The following FNDC3A variants were observed in gnomAD, a reference collection of about 807,000 sequenced individuals.
FNDC3A encodes the protein fibronectin type-III domain-containing protein 3A.
FNDC3A carries 32 observed loss-of-function variants against 148.9 expected under a neutral mutation model. That is an observed-to-expected ratio of 0.21 (90% CI 0.16 to 0.29). The LOEUF is 0.29. Ranked by LOEUF, FNDC3A falls within the 10% of genes least tolerant of loss-of-function variation. The pLI is 1.00. For missense variants in FNDC3A, 1,191 were observed against 1,452.8 expected, an observed-to-expected ratio of 0.82 and a Z score of 2.93; for synonymous variants, 472 against 473.6, an observed-to-expected ratio of 1.00 and a Z score of 0.04.
intron 14 of FNDC3A, 32 bp downstream of exon 14, chr13:49,178,686 C>T: frequency 8.0e-7 from 1 of 1,244,550 alleles, no homozygotes; most frequent in Non-Finnish European, 1.1e-6. Flanking sequence ...ACGATTTGTT[C>T]CTTGTTCCTA....
intron 12 of FNDC3A, 77 bp downstream of exon 12, chr13:49,174,636 C>A: frequency 1.6e-6 from 2 of 1,258,384 alleles, no homozygotes; most frequent in South Asian, 1.5e-5. Flanking sequence ...TATTTACTGT[C>A]CAAATTATTC....
intron 4 of FNDC3A, among the ~76,000 whole-genome samples, chr13:49,128,022 C>T (rs1393894353): frequency 6.6e-6 from 1 of 152,182 alleles, no homozygotes; most frequent in Non-Finnish European, 1.5e-5. Context: ...GCTGGGACTA[C>T]AGGTGCGTGC....
rs1952219300 is a variant in FNDC3A, at chr13:49,006,260, C to T, written c.70C>T (p.Pro24Ser). ...LSSDISLLSA[P>S]IVSADGTQQV... ...TAGTGATATTTCTCTTTTGTCTGCC[C>T]CTATTGTAAGTGCAGATGGAACACA... The change falls in exon 2 of 26, where the codon CCT becomes TCT. Residue 24 changes from proline to serine, a missense_variant. Transcript: ENST00000492622. 1.2e-6 allele frequency: 2 copies of T among 1,607,502 alleles called. No homozygotes were observed. Among genetic ancestry groups the T allele is most frequent in the Non-Finnish European group, 1.7e-6 (2 of 1,174,928 alleles).
chr13:49,165,971 C>G (rs1204939358), intron 8 of FNDC3A, among the ~76,000 whole-genome samples: 1 of 152,012 alleles, frequency 6.6e-6, no homozygotes, highest in East Asian at 1.9e-4. Flanking sequence ...CTAGGTAGTC[C>G]CCAGGCCTCC....
intron 15 of FNDC3A, 102 bp downstream of exon 15, chr13:49,186,204 C>G (rs1885560719): frequency 1.0e-6 from 1 of 956,150 alleles, no homozygotes; most frequent in Admixed American, 2.5e-5. Flanking sequence ...TTTGTTATCT[C>G]AAGCCAGTCC....
intron 1 of FNDC3A, among the ~76,000 whole-genome samples, chr13:48,981,342 A>G (rs1234621332): frequency 1.3e-5 from 2 of 152,126 alleles, no homozygotes; most frequent in African/African-American, 4.8e-5. Context: ...TCTAAGCATT[A>G]AAATAGAGAA....
At chr13:49,091,280 AAAG>A (rs926225472) in intron 3 of FNDC3A, among the ~76,000 whole-genome samples, 12 of 152,268 alleles carry the variant, frequency 7.9e-5, no homozygotes, top group Non-Finnish European at 1.2e-4. Context: ...AAGGAAAAAA[AAAG>A]AAATAAACAG....
intron 2 of FNDC3A, among the ~76,000 whole-genome samples, chr13:49,070,894 G>GTTTTTTTTTTTTTTTTTT (rs930772693): frequency 1.5e-5 from 2 of 135,430 alleles, no homozygotes; most frequent in African/African-American, 2.7e-5. Flanking sequence ...TTTTTTTTTT[G>GTTTTTTTTTTTTTTTTTT]TTTTGTTTTT....
chr13:49,053,298 G>A (rs762461648), intron 2 of FNDC3A, among the ~76,000 whole-genome samples: 3 of 152,204 alleles, frequency 2.0e-5, no homozygotes, highest in Non-Finnish European at 4.4e-5. Context: ...TTTATGACAT[G>A]AGTCTCCACA....
intron 7 of FNDC3A, among the ~76,000 whole-genome samples, chr13:49,145,441 ATCC>A (rs1882938388): frequency 6.6e-6 from 1 of 152,120 alleles, no homozygotes; most frequent in Non-Finnish European, 1.5e-5. Context: ...AGTTTTTGTC[ATCC>A]TCCTGTTGTA....
chr13:49,060,331 A>G (rs1876575194), intron 2 of FNDC3A, among the ~76,000 whole-genome samples: 1 of 152,198 alleles, frequency 6.6e-6, no homozygotes, highest in South Asian at 2.1e-4. Context: ...CATACAATGG[A>G]ATGTTATTTA....
intron 2 of FNDC3A, among the ~76,000 whole-genome samples, chr13:49,062,451 T>C (rs1011622070): frequency 6.6e-6 from 1 of 152,208 alleles, no homozygotes; most frequent in Non-Finnish European, 1.5e-5. Flanking sequence ...TGTTTATCTT[T>C]CCAGTCTTAT....
At chr13:49,136,657 TACTAA>T (rs1359701671) in intron 6 of FNDC3A, 56 bp downstream of exon 6, 1 of 1,514,284 alleles carries the variant, frequency 6.6e-7, no homozygotes, top group East Asian at 2.3e-5. Flanking sequence ...TGATTTAACC[TACTAA>T]AAGTATATTC....
intron 2 of FNDC3A, among the ~76,000 whole-genome samples, chr13:49,048,966 T>A (rs1455734874): frequency 2.6e-5 from 4 of 152,178 alleles, no homozygotes; most frequent in African/African-American, 9.7e-5. Context: ...CATAGATGGT[T>A]TTTATTACCT....
intron 8 of FNDC3A, among the ~76,000 whole-genome samples, chr13:49,154,177 T>C (rs1301106577): frequency 6.7e-6 from 1 of 150,020 alleles, no homozygotes; most frequent in Non-Finnish European, 1.5e-5. Flanking sequence ...CATTTGTTTG[T>C]ATCCTCTTTT....
Position 49,145,784 on chromosome 13 carries a change from G to T in FNDC3A, c.826G>T (p.Asp276Tyr). The change falls in exon 8 of 26, where the codon GAC becomes TAC. Residue 276 changes from aspartate (D) to tyrosine (Y), a missense_variant. Transcript: ENST00000492622. ...AAATGTTGTATTTTTACAGGCCTCC[G>T]ACATCCAGGCAAGGACAGTAGTACT... is the stretch of plus-strand genomic sequence containing the variant. ...LSNIVKPVASDIQARTVVLTW... is the reference protein window; with the variant it reads ...LSNIVKPVASYIQARTVVLTW... 6.2e-7 allele frequency: 1 copy of T among 1,613,296 alleles called. No individual in the cohort carries two copies. The highest frequency in any genetic ancestry group is 1.1e-5 in the South Asian group (1 of 90,920).
chr13:49,102,063 C>G (rs1879892488), intron 3 of FNDC3A, among the ~76,000 whole-genome samples: 1 of 152,000 alleles, frequency 6.6e-6, no homozygotes, highest in African/African-American at 2.4e-5. Context: ...GTCTCTAACT[C>G]TTGGGCTTAA....
At chr13:49,065,997 A>G (rs369765993) in intron 2 of FNDC3A, among the ~76,000 whole-genome samples, 2 of 152,170 alleles carry the variant, frequency 1.3e-5, no homozygotes, top group East Asian at 1.9e-4. Flanking sequence ...AATGTTATTC[A>G]TTTACTTATT....
intron 3 of FNDC3A, among the ~76,000 whole-genome samples, chr13:49,096,624 A>G (rs931571829): frequency 6.6e-6 from 1 of 152,126 alleles, no homozygotes; most frequent in Non-Finnish European, 1.5e-5. Context: ...CAGTCACTGA[A>G]TGTGTGCTCT....
Sources: allele counts gnomAD v4.1 joint callset (sites outside exome capture counted in the v4.1 genomes callset), GRCh38; gene constraint gnomAD v4.1.1; transcripts MANE v1.5; gene names NCBI Gene and HGNC (gene_info 2026-07-23, HGNC 2026-07-21).